The following TCF20 variants were observed in gnomAD, a reference collection of about 807,000 sequenced individuals.
The protein encoded by TCF20 is SPRE-binding protein.
Under a neutral mutation model 148.6 loss-of-function variants are expected in TCF20, and 3 were observed. The observed-to-expected ratio is 0.02, with a 90% CI of 0.01 to 0.05. The LOEUF (loss-of-function observed/expected upper bound fraction) is 0.05. TCF20 is among the 10% of genes least tolerant of loss of function. TCF20 has a pLI of 1.00. For missense variants in TCF20, 2,350 were observed against 2,429.3 expected (o/e 0.97, Z 0.69); for synonymous variants, 1,049 against 909.5 (o/e 1.15, Z -2.76).
chr22:42,230,995 C>G (rs984556989), intron 1 of TCF20, among the ~76,000 whole-genome samples: 4 of 151,504 alleles, frequency 2.6e-5, no homozygotes, highest in Non-Finnish European at 5.9e-5. Context: ...CCCGTCTCTA[C>G]TAAAAAAAAC....
chr22:42,169,743 G>A, intron 4 of TCF20, 104 bp downstream of exon 4: 1 of 1,197,222 alleles, frequency 8.4e-7, no homozygotes, highest in Non-Finnish European at 1.2e-6. Context: ...GCACAGGTGG[G>A]GACAGGTGTG....
intron 2 of TCF20, among the ~76,000 whole-genome samples, chr22:42,194,494 C>T (rs866376396): frequency 1.4e-4 from 21 of 152,080 alleles, no homozygotes; most frequent in Admixed American, 9.2e-4. Context: ...GGATGCTTAA[C>T]GCTTATCCCT....
At chr22:42,181,507 T>A (rs1364063308) in intron 2 of TCF20, among the ~76,000 whole-genome samples, 1 of 151,560 alleles carries the variant, frequency 6.6e-6, no homozygotes, top group South Asian at 2.1e-4. Flanking sequence ...CAGTGAGTGG[T>A]GGCCATTTAG....
intron 2 of TCF20, among the ~76,000 whole-genome samples, chr22:42,186,371 AAAAGT>A (rs1937046415): frequency 6.6e-6 from 1 of 152,236 alleles, no homozygotes; most frequent in Non-Finnish European, 1.5e-5. Flanking sequence ...AAATAACCAT[AAAAGT>A]GTTTTACAAA....
intron 3 of TCF20, among the ~76,000 whole-genome samples, chr22:42,179,062 A>G (rs893735229): frequency 1.1e-4 from 16 of 151,782 alleles, no homozygotes; most frequent in Admixed American, 6.6e-5. Flanking sequence ...AAAGAAACAC[A>G]TATGACAGCA....
chr22:42,181,485 G>C (rs752499614), intron 2 of TCF20, among the ~76,000 whole-genome samples: 3 of 152,070 alleles, frequency 2.0e-5, no homozygotes, highest in Non-Finnish European at 4.4e-5. Context: ...CCCTACCCTG[G>C]GGGATGAATC....
chr22:42,276,682 G>A (rs1018861584), intron 1 of TCF20: 2 of 152,184 alleles, frequency 1.3e-5, no homozygotes, highest in African/African-American at 4.8e-5. Context: ...AATCAACTCC[G>A]TCTCTCCCTC....
intron 1 of TCF20, chr22:42,343,402 G>C (rs1296437299): frequency 1.3e-5 from 2 of 151,882 alleles, no homozygotes; most frequent in African/African-American, 4.8e-5. Flanking sequence ...TGCCAGACGC[G>C]GATGCTGGGC....
At position 42,213,094 on chromosome 22, in the gene TCF20, C is replaced by T; in HGVS notation, c.2212G>A (p.Gly738Ser). Residue 738 changes from glycine (G) to serine (S), a missense_variant, in exon 2 of 6, where the codon GGC becomes AGC. Transcript: ENST00000677622. ...PTGQEKGDFTGHGERKGRNEK... is the reference protein window; with the variant it reads ...PTGQEKGDFTSHGERKGRNEK... ...TTTCTACCCTTTCGTTCCCCATGGC[C>T]AGTGAAATCTCCCTTTTCTTGCCCT... 6.2e-7 allele frequency: 1 copy of T among 1,614,146 alleles called. No individual in the cohort carries two copies. The highest frequency in any genetic ancestry group is 8.5e-7 in the Non-Finnish European group (1 of 1,180,040).
intron 1 of TCF20, among the ~76,000 whole-genome samples, chr22:42,282,029 G>A (rs890013172): frequency 2.0e-5 from 3 of 152,264 alleles, no homozygotes; most frequent in Admixed American, 6.5e-5. Flanking sequence ...AAGTCCACCT[G>A]AGAGAAGGAC....
Position 42,210,810 on chromosome 22 carries a change from G to A in TCF20, c.4496C>T (p.Pro1499Leu). 6.2e-7 allele frequency: 1 copy of A among 1,614,202 alleles called. No individual in the cohort carries two copies. Among genetic ancestry groups the A allele is most frequent in the Non-Finnish European group, 8.5e-7 (1 of 1,180,032 alleles). The part of the protein sequence containing the change: ...LIFPDSKNVP[P>L]VGILAPEANP... ...TGCCTCAGGGGCCAATATGCCCACT[G>A]GAGGTACATTCTTTGAGTCTGGAAA... The change falls in exon 2 of 6, where the codon CCA (proline) becomes CTA (leucine). Residue 1499 changes from proline (P) to leucine (L), a missense_variant. Around this residue, in one of 7 missense-constraint regions of TCF20, gnomAD observed 231 missense variants for 213.7 expected, o/e 1.08. Coordinates refer to ENST00000677622, the MANE Select transcript of TCF20 (RefSeq NM_001378418.1). The surrounding 1 kb of genome is among the most constrained non-coding windows in gnomAD (Gnocchi z 4.7).
intron 5 of TCF20, among the ~76,000 whole-genome samples, chr22:42,163,550 T>C (rs1035676701): frequency 2.0e-5 from 3 of 152,254 alleles, no homozygotes; most frequent in African/African-American, 7.2e-5. Flanking sequence ...CACAGTAACG[T>C]GGATCTGCCT....
chr22:42,170,171 G>A (rs1936035245), intron 3 of TCF20, among the ~76,000 whole-genome samples: 1 of 151,688 alleles, frequency 6.6e-6, no homozygotes, highest in African/African-American at 2.4e-5. Context: ...ATGTATAAAT[G>A]TGCTAATTTT....
At chr22:42,328,489 C>T (rs895563415) in intron 1 of TCF20, among the ~76,000 whole-genome samples, 1 of 152,210 alleles carries the variant, frequency 6.6e-6, no homozygotes, top group African/African-American at 2.4e-5. Context: ...CCCCGTGAAC[C>T]TGGTCTGGTC....
chr22:42,252,660 A>G lies in TCF20; in HGVS notation c.-37+17679T>C, dbSNP rs1925475852. Reference sequence around the variant, plus strand: ...GAGACGGGGCTTCACCTTGTTGGCCAGGATGGTCTTAATTTCCTGACCTCA... The same window carrying G: ...GAGACGGGGCTTCACCTTGTTGGCCGGGATGGTCTTAATTTCCTGACCTCA... On this transcript the variant is annotated intron_variant, in intron 1 of 5. Transcript: ENST00000677622. Among the ~76,000 whole-genome samples, 4 of 152,182 alleles carry G rather than the reference A, an allele frequency of 2.6e-5. No homozygotes were observed. In the South Asian group the frequency reaches 8.3e-4, roughly 31 times the overall value.
chr22:42,299,962 G>T lies in TCF20; in HGVS notation c.-37+43517C>A, dbSNP rs1443551124. 1.4e-5 allele frequency among the ~76,000 whole-genome samples: 2 copies of T among 147,446 alleles called. No individual in the cohort carries two copies. The highest frequency in any genetic ancestry group is 4.0e-4 in the East Asian group (2 of 4,986). On this transcript the variant is annotated intron_variant, in intron 1 of 1. Transcript: ENST00000515426. This position sits in a 1 kb window ranked among gnomAD's most constrained non-coding sequence, Gnocchi z 4.1. Reference sequence around the variant, plus strand: ...AAAGGAGAGGAGGGGAAGGAAGGGCGGGGAGGGGGAGGGGGAGGGGCGCGC... The same window carrying T: ...AAAGGAGAGGAGGGGAAGGAAGGGCTGGGAGGGGGAGGGGGAGGGGCGCGC...
rs1370566660 is a variant in TCF20 at position 42,292,950 on chromosome 22, G to T, written c.-37+50529C>A. On this transcript the variant is annotated intron_variant, in intron 1 of 1. Transcript: ENST00000515426. This position sits in a 1 kb window ranked among gnomAD's most constrained non-coding sequence, Gnocchi z 4.9. ...CTGTCCTGCCCACCAGGAGTGGCGGGGTTTGAATTTCAGGAGCTGGGCCTC... is the reference window on the plus strand; with the variant it reads ...CTGTCCTGCCCACCAGGAGTGGCGGTGTTTGAATTTCAGGAGCTGGGCCTC... Among the ~76,000 whole-genome samples the T allele has an allele frequency of 1.3e-5, 2 of 151,162 alleles. No homozygotes were observed. The highest frequency in any genetic ancestry group is 4.9e-5 in the African/African-American group (2 of 40,998).
upstream of TCF20, among the ~76,000 whole-genome samples, chr22:42,286,852 G>T (rs1041329340): frequency 6.6e-6 from 1 of 152,200 alleles, no homozygotes; most frequent in Non-Finnish European, 1.5e-5. Flanking sequence ...ATAAGGAATA[G>T]ATGTGGGTTC....
intron 1 of TCF20, among the ~76,000 whole-genome samples, chr22:42,319,299 C>G (rs1927690234): frequency 6.6e-6 from 1 of 152,198 alleles, no homozygotes; most frequent in Non-Finnish European, 1.5e-5. Flanking sequence ...TTCCACTCCA[C>G]AGGCATGGGG....
Sources: allele counts gnomAD v4.1 joint callset (sites outside exome capture counted in the v4.1 genomes callset), GRCh38; gene constraint gnomAD v4.1.1; regional missense constraint gnomAD v4.1.1; non-coding constraint Gnocchi (gnomAD v3.1); transcripts MANE v1.5; gene names NCBI Gene and HGNC (gene_info 2026-07-23, HGNC 2026-07-21).